The following IL33 variants were observed in gnomAD, a reference collection of about 807,000 sequenced individuals.
IL33 encodes interleukin-33.
IL33 carries 37 observed loss-of-function variants against 27.3 expected under a neutral mutation model. The ratio of observed to expected loss-of-function variants is 1.36; its 90% CI spans 1.04 to 1.78. The LOEUF is 1.78. Among genes scored for constraint, IL33 ranks in the 40% most tolerant of loss-of-function variants. The pLI is 0.00. For synonymous variants in IL33, 132 were observed against 102.9 expected, an observed-to-expected ratio of 1.28 and a Z score of -1.71; for missense variants, 406 against 311.4, an observed-to-expected ratio of 1.30 and a Z score of -2.29.
rs994709436 is a variant in IL33, at chr9:6,251,351, C to G, written c.343+86C>G. 6 of 1,567,386 alleles carry G rather than the reference C, an allele frequency of 3.8e-6. No individual in the cohort carries two copies. In the African/African-American group the frequency reaches 6.8e-5, roughly 18 times the overall value. ...AAAGTGCTACTCCAGGTAGCAGTCC[C>G]AAGTCTGTGTCTTTAATGTGTACCA... is the stretch of plus-strand genomic sequence containing the variant. On this transcript the variant is annotated intron_variant, in intron 4 of 7. Transcript: ENST00000682010.
intron 1 of IL33, among the ~76,000 whole-genome samples, chr9:6,223,097 T>TC (rs1818480346): frequency 6.6e-6 from 1 of 152,146 alleles, no homozygotes; most frequent in Non-Finnish European, 1.5e-5. Flanking sequence ...TCCTTTGGTT[T>TC]CCCCCAGAGG....
At position 6,218,751 on chromosome 9, in the gene IL33, TATATATATATGTTCTCC is replaced by T. The variant is rs1564043816; in HGVS notation, c.-12+2910_-12+2926del. 1.5e-4 allele frequency among the ~76,000 whole-genome samples: 18 copies of T among 117,286 alleles called. 1 individual carries two copies. The South Asian group carries it at 1.7e-3, about 11-fold the overall frequency. 76.9% of individuals were successfully genotyped at this position (117,286 alleles called of 152,430 possible). A position where few individuals can be genotyped will look rare whatever the true frequency, so the allele number is the denominator to read the frequency against. On this transcript the variant is annotated intron_variant, in intron 1 of 7. Coordinates refer to ENST00000682010, the MANE Select transcript of IL33 (RefSeq NM_033439.4). ...TCTCCATATATATATATGTTCTCCATATATATATATGTTCTCCATATATATATATGTTCTCCATATAT... is the reference window on the plus strand; with the variant it reads ...TCTCCATATATATATATGTTCTCCATATATATATATATGTTCTCCATATAT...
chr9:6,221,786 A>G (rs867870104), intron 1 of IL33, among the ~76,000 whole-genome samples: 1 of 152,198 alleles, frequency 6.6e-6, no homozygotes. Context: ...GCTACCAATT[A>G]TATTTATTTC....
chr9:6,253,821 T>C (rs1376636751), intron 6 of IL33, among the ~76,000 whole-genome samples: 1 of 152,168 alleles, frequency 6.6e-6, no homozygotes. Context: ...TTAATACAGA[T>C]CCAAAACAAG....
chr9:6,242,283 G>C (rs1010709151), intron 2 of IL33: 1 of 152,184 alleles, frequency 6.6e-6, no homozygotes, highest in Non-Finnish European at 1.5e-5. Context: ...TGTTACCATA[G>C]AAATATACCT....
At chr9:6,238,322 G>T (rs191777750) in intron 1 of IL33, among the ~76,000 whole-genome samples, 1 of 152,296 alleles carries the variant, frequency 6.6e-6, no homozygotes, top group East Asian at 1.9e-4. Flanking sequence ...ACCAAAAAAG[G>T]TAGGAGAATC....
chr9:6,219,762 C>T (rs1037363280), intron 1 of IL33, among the ~76,000 whole-genome samples: 7 of 152,172 alleles, frequency 4.6e-5, no homozygotes, highest in Non-Finnish European at 1.0e-4. Flanking sequence ...AAAAGTGAGA[C>T]ATTTATCTTC....
chr9:6,254,394 T>G, intron 6 of IL33, 68 bp from the exon 7 acceptor site: 1 of 978,394 alleles, frequency 1.0e-6, no homozygotes, highest in Non-Finnish European at 1.5e-6. Flanking sequence ...TTCCTGGGTG[T>G]TGAATTCATT....
At chr9:6,224,331 G>C (rs756928163) in intron 1 of IL33, among the ~76,000 whole-genome samples, 8 of 152,092 alleles carry the variant, frequency 5.3e-5, no homozygotes, top group Non-Finnish European at 1.0e-4. Context: ...TGAGAAATGT[G>C]CCATACCCAA....
In IL33 at chr9:6,251,265, G is replaced by C; in HGVS notation, c.343G>C (p.Gly115Arg). ...TRALHDSSIT[G>R]ISPITEYLAS... ...AGCACTTCATGATTCAAGTATCACA[G>C]GTATGACTGGTTACAGGGGTGATGT... is the stretch of plus-strand genomic sequence containing the variant. The change falls in exon 4 of 8, where the codon GGA (glycine) becomes CGA (arginine). Residue 115 changes from glycine to arginine, a missense_variant and splice_region_variant. Physicochemically the swap from Gly to Arg is moderately radical, Grantham distance 125. Transcript: ENST00000682010. 1 of 1,613,064 alleles carries C rather than the reference G, an allele frequency of 6.2e-7. No homozygotes were observed. Among genetic ancestry groups the C allele is most frequent in the Non-Finnish European group, 8.5e-7 (1 of 1,179,284 alleles).
Position 6,251,137 on chromosome 9 carries a change from C to T in IL33, c.218-3C>T, listed in dbSNP as rs1816329735. ...TCTATCCCTAATCCCATCCGGTCTG[C>T]AGGTAGAAAGCACAAAAGACATCTG... On this transcript the variant is annotated splice_region_variant and splice_polypyrimidine_tract_variant and intron_variant, in intron 3 of 7. Coordinates refer to ENST00000682010, the MANE Select transcript of IL33 (RefSeq NM_033439.4). 1.2e-6 allele frequency: 2 copies of T among 1,613,202 alleles called. No homozygotes were observed. The highest frequency in any genetic ancestry group is 1.7e-6 in the Non-Finnish European group (2 of 1,179,484).
chr9:6,254,932 T>C (rs1009095958), intron 7 of IL33, among the ~76,000 whole-genome samples: 5 of 152,176 alleles, frequency 3.3e-5, no homozygotes, highest in Admixed American at 3.3e-4. Flanking sequence ...TCTCAAATCC[T>C]TTCTGTTTGG....
At chr9:6,225,107 T>G (rs1173938051) in intron 1 of IL33, among the ~76,000 whole-genome samples, 1 of 152,134 alleles carries the variant, frequency 6.6e-6, no homozygotes. Flanking sequence ...TTCTAAAACT[T>G]TCTCACACTA....
rs1272547226 is a variant in IL33 at position 6,257,286 on chromosome 9, T to C, written c.*1118T>C. 1 of 152,242 alleles carries C rather than the reference T, an allele frequency of 6.6e-6. No individual in the cohort carries two copies. The highest frequency in any genetic ancestry group is 1.5e-5 in the Non-Finnish European group (1 of 68,040). 9.4% of individuals were successfully genotyped at this position (152,242 alleles called of 1,614,324 possible). ...TTGTATTCCAGCTTCCTGATAACACTGCTTACTGTGGAATATTCATTTGAC... is the reference window on the plus strand; with the variant it reads ...TTGTATTCCAGCTTCCTGATAACACCGCTTACTGTGGAATATTCATTTGAC... On this transcript the variant is annotated 3_prime_UTR_variant, in exon 8 of 8. Transcript: ENST00000682010.
intron 5 of IL33, 114 bp downstream of exon 5, chr9:6,253,105 A>T (rs1470474643): frequency 1.8e-5 from 13 of 733,634 alleles, no homozygotes; most frequent in Non-Finnish European, 2.8e-5. Flanking sequence ...CAAACAGGTC[A>T]TGCTGTGTGC....
intron 1 of IL33, among the ~76,000 whole-genome samples, chr9:6,221,954 C>G (rs1193052488): frequency 6.6e-6 from 1 of 152,110 alleles, no homozygotes; most frequent in Non-Finnish European, 1.5e-5. Context: ...TAAGGCTGAG[C>G]CAACTAAGAA....
Position 6,256,569 on chromosome 9 carries a change from T to C in IL33, c.*401T>C, listed in dbSNP as rs979942010. On this transcript the variant is annotated 3_prime_UTR_variant, in exon 8 of 8. Coordinates refer to ENST00000682010, the MANE Select transcript of IL33 (RefSeq NM_033439.4). ...CATTTTAAAGAGCTACTTAGAGAAA[T>C]AATTTTCCACAGTTCCAAACGATAG... 2.9e-6 allele frequency: 1 copy of C among 341,832 alleles called. No homozygotes were observed. The highest frequency in any genetic ancestry group is 4.0e-5 in the East Asian group (1 of 24,988). The allele number at this position is 341,832 out of a possible 1,614,324, so 21.2% of individuals were successfully genotyped here.
At chr9:6,250,134 A>C (rs1023342049) in intron 2 of IL33, among the ~76,000 whole-genome samples, 4 of 152,080 alleles carry the variant, frequency 2.6e-5, no homozygotes, top group Admixed American at 2.0e-4. Context: ...TATGACCTAA[A>C]CTCATTTCTT....
chr9:6,254,652 CA>C (rs1280035973), intron 7 of IL33, 99 bp downstream of exon 7: 4 of 588,848 alleles, frequency 6.8e-6, no homozygotes, highest in East Asian at 6.2e-5. Flanking sequence ...GGGTATTTTG[CA>C]GAAGGATTTT....
Sources: allele counts gnomAD v4.1 joint callset (sites outside exome capture counted in the v4.1 genomes callset), GRCh38; gene constraint gnomAD v4.1.1; transcripts MANE v1.5; gene names NCBI Gene and HGNC (gene_info 2026-07-23, HGNC 2026-07-21).